CD44: variants seen among roughly 807,000 people sequenced by gnomAD.
CD44 encodes CD44 molecule (IN blood group), also known as CD44 antigen.
In CD44, 49 loss-of-function variants were observed where a neutral mutation model predicts 88.8. That is an observed-to-expected ratio of 0.55 (90% confidence interval 0.44 to 0.70). The LOEUF is 0.70. Among genes scored for constraint, CD44 ranks in the 30% least tolerant of loss-of-function variants. CD44 has a pLI of 0.00. For missense variants in CD44, 883 were observed against 913.8 expected (o/e 0.97, Z 0.43); for synonymous variants, 325 against 312.3 (o/e 1.04, Z -0.43).
At chr11:35,205,456 G>A (rs1591255291) in intron 10 of CD44, among the ~76,000 whole-genome samples, 2 of 152,326 alleles carry the variant, frequency 1.3e-5, no homozygotes, top group Middle Eastern at 6.8e-3. Flanking sequence ...AATGGATTCT[G>A]TGATTGTCTA....
chr11:35,216,575 T>C (rs61882767), intron 15 of CD44, among the ~76,000 whole-genome samples: 9,150 of 152,284 alleles, frequency 0.06, 356 homozygotes, highest in Middle Eastern at 0.088. Context: ...CTGGGGACTT[T>C]AGGCAGGGCA....
At chr11:35,201,561 G>C in intron 8 of CD44, 110 bp from the exon 9 acceptor site, 1 of 1,364,888 alleles carries the variant, frequency 7.3e-7, no homozygotes, top group Non-Finnish European at 1.0e-6. Flanking sequence ...ATGCTCAGAG[G>C]TAACACTTTG....
At chr11:35,163,373 G>T (rs1643053321) in intron 1 of CD44, among the ~76,000 whole-genome samples, 1 of 152,042 alleles carries the variant, frequency 6.6e-6, no homozygotes, top group African/African-American at 2.4e-5. Context: ...AGGATTACAA[G>T]GCAGTTAGTG....
intron 16 of CD44, among the ~76,000 whole-genome samples, chr11:35,221,366 A>G (rs908663611): frequency 5.3e-5 from 8 of 152,228 alleles, no homozygotes; most frequent in African/African-American, 1.9e-4. Flanking sequence ...AAAGGCATCT[A>G]CAAGATTCAA....
At chr11:35,156,435 C>T (rs17367744) in intron 1 of CD44, among the ~76,000 whole-genome samples, 6,522 of 152,228 alleles carry the variant, frequency 0.043, 235 homozygotes, top group Admixed American at 0.11. Context: ...GGAAGGGTGC[C>T]GGTTCTTTTC....
At chr11:35,147,143 G>A (rs1202996138) in intron 1 of CD44, among the ~76,000 whole-genome samples, 2 of 152,214 alleles carry the variant, frequency 1.3e-5, no homozygotes, top group African/African-American at 4.8e-5. Context: ...TGGATGAAAG[G>A]TAAAGGTGGC....
At chr11:35,193,350 C>T (rs1020187166) in intron 5 of CD44, among the ~76,000 whole-genome samples, 12 of 152,188 alleles carry the variant, frequency 7.9e-5, no homozygotes, top group African/African-American at 2.7e-4. Context: ...CCACAGGCTA[C>T]GGGTTGGACA....
At chr11:35,223,023 G>C in intron 17 of CD44, 1 of 985,356 alleles carries the variant, frequency 1.0e-6, no homozygotes, top group Non-Finnish European at 1.2e-6. Context: ...AAATGATGCT[G>C]TTACAATAAT....
chr11:35,209,466 C>T (rs193033246), intron 12 of CD44, among the ~76,000 whole-genome samples: 345 of 152,244 alleles, frequency 2.3e-3, no homozygotes, highest in African/African-American at 7.9e-3. Context: ...ATCTGTGTTA[C>T]TTGAGTAGGC....
intron 17 of CD44, among the ~76,000 whole-genome samples, chr11:35,227,001 C>T (rs1046739589): frequency 1.2e-4 from 18 of 147,314 alleles, no homozygotes; most frequent in African/African-American, 4.6e-4. Context: ...TCTCCTGCTT[C>T]AGTCTCCTGA....
chr11:35,153,804 T>C (rs889506307), intron 1 of CD44, among the ~76,000 whole-genome samples: 1 of 152,222 alleles, frequency 6.6e-6, no homozygotes, highest in Non-Finnish European at 1.5e-5. Context: ...CAGGACCTGT[T>C]GGATGAATAG....
chr11:35,204,521 C>T lies in CD44; in HGVS notation c.1163C>T (p.Thr388Ile). 2 of 1,613,270 alleles carry T rather than the reference C, an allele frequency of 1.2e-6. No individual in the cohort carries two copies. Among genetic ancestry groups the T allele is most frequent in the Non-Finnish European group, 1.7e-6 (2 of 1,179,396 alleles). ...TPHSTSTIQA[T>I]PSSTTEETAT... ...GATATTCTTCTCACAGTCCAGGCAA[C>T]TCCTAGTAGTACAACGGAAGAAACA... is the stretch of plus-strand genomic sequence containing the variant. Residue 388 changes from threonine to isoleucine, a missense_variant, in exon 10 of 18, where the codon ACT (threonine) becomes ATT (isoleucine). Physicochemically the swap from Thr to Ile is moderately conservative, Grantham distance 89. Around this residue, in one of 2 missense-constraint regions of CD44, gnomAD observed 631 missense variants for 590.9 expected, o/e 1.07. Coordinates refer to ENST00000428726, the MANE Select transcript of CD44 (RefSeq NM_000610.4).
intron 13 of CD44, among the ~76,000 whole-genome samples, chr11:35,211,031 A>C (rs982104090): frequency 6.6e-6 from 1 of 152,236 alleles, no homozygotes; most frequent in African/African-American, 2.4e-5. Flanking sequence ...CTGGGTATTA[A>C]GATCACCAAA....
At chr11:35,188,208 A>C (rs567627587) in intron 4 of CD44, among the ~76,000 whole-genome samples, 1 of 152,340 alleles carries the variant, frequency 6.6e-6, no homozygotes, top group Admixed American at 6.5e-5. Flanking sequence ...GAATCTTCGT[A>C]GACCATACAA....
rs139176701 is a variant in CD44 at position 35,227,121 on chromosome 11, C to T, written c.2025-2008C>T. 3.5e-3 allele frequency among the ~76,000 whole-genome samples: 534 copies of T among 152,186 alleles called. 2 individuals carry two copies. The highest frequency in any genetic ancestry group is 0.015 in the South Asian group (74 of 4,818). On this transcript the variant is annotated intron_variant, in intron 17 of 17. Transcript: ENST00000428726. Reference sequence around the variant, plus strand: ...TGGCCAGCTGGTCTCGAACTCCTGACCTCAAGTGATCCTTCTGCCTCAGCC... The same window carrying T: ...TGGCCAGCTGGTCTCGAACTCCTGATCTCAAGTGATCCTTCTGCCTCAGCC...
chr11:35,162,905 C>T (rs1942812235), intron 1 of CD44, among the ~76,000 whole-genome samples: 1 of 152,062 alleles, frequency 6.6e-6, no homozygotes, highest in South Asian at 2.1e-4. Flanking sequence ...CACACACACA[C>T]AGACATGTAC....
intron 14 of CD44, among the ~76,000 whole-genome samples, chr11:35,214,229 C>T (rs1242305552): frequency 6.6e-6 from 1 of 152,118 alleles, no homozygotes; most frequent in Admixed American, 6.5e-5. Context: ...CTATAATACC[C>T]ATATTCCAAT....
intron 7 of CD44, among the ~76,000 whole-genome samples, chr11:35,199,431 G>A (rs1947077562): frequency 6.6e-6 from 1 of 150,440 alleles, no homozygotes; most frequent in Non-Finnish European, 1.5e-5. Flanking sequence ...TCACAGTTCT[G>A]CTTTTCCTTA....
intron 1 of CD44, among the ~76,000 whole-genome samples, chr11:35,171,012 C>T (rs1943817781): frequency 6.6e-6 from 1 of 152,180 alleles, no homozygotes; most frequent in Non-Finnish European, 1.5e-5. Context: ...TTACCCACCT[C>T]ATAGGAATGT....
Sources: allele counts gnomAD v4.1 joint callset (sites outside exome capture counted in the v4.1 genomes callset), GRCh38; gene constraint gnomAD v4.1.1; regional missense constraint gnomAD v4.1.1; transcripts MANE v1.5; gene names NCBI Gene and HGNC (gene_info 2026-07-23, HGNC 2026-07-21).